The following PLB1 variants were observed in gnomAD, a reference collection of about 807,000 sequenced individuals.
PLB1 encodes phospholipase B1, membrane-associated.
In PLB1, 242 loss-of-function variants were observed where a neutral mutation model predicts 227.4. The observed-to-expected ratio is 1.06, with a 90% CI of 0.96 to 1.18. The LOEUF is 1.18. PLB1 is among the 50% of genes most tolerant of loss of function. PLB1 has a pLI of 0.00. For synonymous variants in PLB1, 757 were observed against 682.2 expected, an observed-to-expected ratio of 1.11 and a Z score of -1.71; for missense variants, 1,858 against 1,816.3, an observed-to-expected ratio of 1.02 and a Z score of -0.42.
rs768475508 is a variant in PLB1, at chr2:28,518,540, A to G, written c.184+8A>G. 1 of 1,605,856 alleles carries G rather than the reference A, an allele frequency of 6.2e-7. No individual in the cohort carries two copies. Among genetic ancestry groups the G allele is most frequent in the Non-Finnish European group, 8.5e-7 (1 of 1,172,520 alleles). On this transcript the variant is annotated splice_region_variant and intron_variant, in intron 3 of 57. Coordinates refer to ENST00000327757, the MANE Select transcript of PLB1 (RefSeq NM_153021.5). ...ATATGCCTTCTAAATCAGGTATGTA[A>G]CCCTTGGCCATGAGCAGGAAAAGCC...
chr2:28,628,468 G>A, intron 51 of PLB1, 95 bp from the exon 52 acceptor site: 2 of 1,114,432 alleles, frequency 1.8e-6, no homozygotes, highest in East Asian at 2.4e-5. Context: ...TACCCACTCA[G>A]TCATTTAGCC....
intron 1 of PLB1, among the ~76,000 whole-genome samples, chr2:28,514,441 A>G (rs536749164): frequency 6.6e-6 from 1 of 152,324 alleles, no homozygotes; most frequent in South Asian, 2.1e-4. Flanking sequence ...CTTAATATAA[A>G]TTTTAGAATC....
chr2:28,641,729 G>A (rs1010249346), intron 57 of PLB1, among the ~76,000 whole-genome samples: 8 of 151,974 alleles, frequency 5.3e-5, no homozygotes, highest in South Asian at 2.1e-4. Context: ...TTCCTCCCTC[G>A]CCACACCCAC....
At chr2:28,565,199 A>G (rs1676672868) in intron 18 of PLB1, 81 bp from the exon 19 acceptor site, 3 of 1,274,756 alleles carry the variant, frequency 2.4e-6, no homozygotes, top group Non-Finnish European at 3.4e-6. Context: ...CCAGCATAAG[A>G]ACATAGACCT....
chr2:28,547,152 G>A (rs750733466), intron 14 of PLB1, among the ~76,000 whole-genome samples: 9 of 145,006 alleles, frequency 6.2e-5, no homozygotes, highest in African/African-American at 7.7e-5. Flanking sequence ...AATGAACTGT[G>A]ATCGCACCAC....
chr2:28,614,658 A>G (rs1474008671), intron 44 of PLB1, among the ~76,000 whole-genome samples: 1 of 152,196 alleles, frequency 6.6e-6, no homozygotes. Context: ...ACCCCGGACT[A>G]TACCATGACT....
intron 33 of PLB1, chr2:28,594,451 C>T (rs980755774): frequency 1.2e-5 from 2 of 164,094 alleles, no homozygotes; most frequent in African/African-American, 4.8e-5. Context: ...GGGAAAACAA[C>T]TAGAACGAAG....
Position 28,552,975 on chromosome 2 carries a change from T to A in PLB1, c.1131T>A (p.Asp377Glu), listed in dbSNP as rs1452412211. 1 of 1,613,858 alleles carries A rather than the reference T, an allele frequency of 6.2e-7. No homozygotes were observed. Among genetic ancestry groups the A allele is most frequent in the Non-Finnish European group, 8.5e-7 (1 of 1,179,822 alleles). Reference protein sequence around the residue: ...EIRCPDKDPSDTVPTSVHRLK... With the variant: ...EIRCPDKDPSETVPTSVHRLK... Reference sequence around the variant, plus strand: ...GATGTCCTGACAAAGACCCCTCCGATACGGTTCCCACCTCAGGTACACAGC... The same window carrying A: ...GATGTCCTGACAAAGACCCCTCCGAAACGGTTCCCACCTCAGGTACACAGC... The change falls in exon 17 of 58, where the codon GAT (aspartate) becomes GAA (glutamate). Residue 377 changes from aspartate (D) to glutamate (E), a missense_variant. Physicochemically the swap from Asp to Glu is conservative, Grantham distance 45. Coordinates refer to ENST00000327757, the MANE Select transcript of PLB1 (RefSeq NM_153021.5).
In PLB1 at chr2:28,642,882, C is replaced by T. The variant is rs765736021; in HGVS notation, c.4198C>T (p.Arg1400Trp). Reference sequence around the variant, plus strand: ...GGAGAGCCCTTACCTCTACACCCTGCGGAACAGCCGATTGCTCCCAGACCA... The same window carrying T: ...GGAGAGCCCTTACCTCTACACCCTGTGGAACAGCCGATTGCTCCCAGACCA... ...SPESPYLYTL[R>W]NSRLLPDQAE... Residue 1400 changes from arginine to tryptophan, a missense_variant, in exon 58 of 58, where the codon CGG becomes TGG. Physicochemically the swap from Arg to Trp is moderately radical, Grantham distance 101 (BLOSUM62 -3). Coordinates refer to ENST00000327757, the MANE Select transcript of PLB1 (RefSeq NM_153021.5). 8.1e-5 allele frequency: 130 copies of T among 1,604,768 alleles called. No homozygotes were observed. The Admixed American group carries it at 1.3e-3, about 16-fold the overall frequency.
At chr2:28,565,224 A>G in intron 18 of PLB1, 56 bp from the exon 19 acceptor site, 1 of 1,491,680 alleles carries the variant, frequency 6.7e-7, no homozygotes, top group Non-Finnish European at 9.2e-7. Flanking sequence ...GCAGGTAGGC[A>G]GAGGTGGGCC....
chr2:28,625,324 G>A (rs1472762353), intron 50 of PLB1, among the ~76,000 whole-genome samples: 1 of 152,206 alleles, frequency 6.6e-6, no homozygotes, highest in Non-Finnish European at 1.5e-5. Flanking sequence ...GGCTGCGGGA[G>A]GGCAAGGTGG....
At chr2:28,642,790 C>T in intron 57 of PLB1, 68 bp from the exon 58 acceptor site, 1 of 1,353,842 alleles carries the variant, frequency 7.4e-7, no homozygotes, top group Non-Finnish European at 1.0e-6. Context: ...GGGGACTAGG[C>T]AAGTCTTGGC....
At chr2:28,553,742 C>T (rs1419390742) in intron 17 of PLB1, among the ~76,000 whole-genome samples, 1 of 152,170 alleles carries the variant, frequency 6.6e-6, no homozygotes, top group Non-Finnish European at 1.5e-5. Flanking sequence ...TTTATTTACT[C>T]ATTTGTGTGT....
intron 3 of PLB1, 88 bp downstream of exon 3, chr2:28,518,620 C>A: frequency 1.1e-6 from 1 of 934,824 alleles, no homozygotes; most frequent in Non-Finnish European, 1.7e-6. Context: ...TCTTCTTGGA[C>A]CTGTTGCCCC....
At chr2:28,570,712 G>A (rs917555539) in intron 20 of PLB1, among the ~76,000 whole-genome samples, 1 of 152,302 alleles carries the variant, frequency 6.6e-6, no homozygotes, top group Non-Finnish European at 1.5e-5. Context: ...CTTGAGCCTG[G>A]GAGGCAGAGG....
rs1463142523 is a variant in PLB1, at chr2:28,630,619, C to G, written c.3852C>G (p.Ser1284Arg). The part of the protein sequence containing the change: ...NNCTCLRHSQ[S>R]SLEKQELKKV... Reference sequence around the variant, plus strand: ...GCACTTGCCTCAGACACTCGCAAAGCTCCCTGGAGAAGCAAGAACTGAAGA... The same window carrying G: ...GCACTTGCCTCAGACACTCGCAAAGGTCCCTGGAGAAGCAAGAACTGAAGA... The change falls in exon 54 of 58, where the codon AGC becomes AGG. Residue 1284 changes from serine to arginine, a missense_variant. By Grantham distance (110) the Ser-to-Arg change is moderately radical. Coordinates refer to ENST00000327757, the MANE Select transcript of PLB1 (RefSeq NM_153021.5). 1.9e-6 allele frequency: 3 copies of G among 1,613,660 alleles called. No homozygotes were observed. Among genetic ancestry groups the G allele is most frequent in the Non-Finnish European group, 1.7e-6 (2 of 1,179,850 alleles).
Position 28,632,141 on chromosome 2 carries a change from GTGAGC to G in PLB1, c.4002+4_4002+8del. On this transcript the variant is annotated splice_donor_variant and splice_donor_5th_base_variant and intron_variant, in intron 55 of 57. Coordinates refer to ENST00000327757, the MANE Select transcript of PLB1 (RefSeq NM_153021.5). LOFTEE classifies it high-confidence loss of function. ...AAACACACTCACCCCACTGAACGAGGTGAGCTGCAGGTATTTTAGGGAGGCTCACG... is the reference window on the plus strand; with the variant it reads ...AAACACACTCACCCCACTGAACGAGGTGCAGGTATTTTAGGGAGGCTCACG... 6.2e-7 allele frequency: 1 copy of G among 1,611,182 alleles called. No individual in the cohort carries two copies. The highest frequency in any genetic ancestry group is 8.5e-7 in the Non-Finnish European group (1 of 1,177,370).
chr2:28,641,092 T>C, intron 57 of PLB1, 91 bp downstream of exon 57: 1 of 1,221,244 alleles, frequency 8.2e-7, no homozygotes, highest in South Asian at 1.5e-5. Flanking sequence ...TCCCCGGGGA[T>C]GCTCCCTCAA....
chr2:28,519,657 A>G lies in PLB1; in HGVS notation c.185-48A>G. On this transcript the variant is annotated intron_variant, in intron 3 of 57. Transcript: ENST00000327757. ...CCATACGGTATCCTTGGCCGACATC[A>G]TGGGGAATGTAGATCTGACCTTCCT... The G allele has an allele frequency of 2.1e-6, 3 of 1,418,080 alleles. No individual in the cohort carries two copies. The South Asian group carries it at 3.5e-5, about 16-fold the overall frequency. The allele number at this position is 1,418,080 out of a possible 1,614,324, so 87.8% of individuals were successfully genotyped here.
Sources: gnomAD v4.1 joint callset for allele counts (sites outside exome capture counted in the v4.1 genomes callset) on GRCh38, gnomAD v4.1.1 for gene constraint, MANE v1.5 for transcripts, NCBI Gene and HGNC (gene_info 2026-07-23, HGNC 2026-07-21) for gene names.